Variants in ZKSCAN4 observed in about 807,000 individuals in gnomAD.
ZKSCAN4 encodes zinc finger with KRAB and SCAN domains 4.
In ZKSCAN4, 23 loss-of-function variants were observed where a neutral mutation model predicts 30.8. That is an observed-to-expected ratio of 0.75 (90% CI 0.54 to 1.06). The LOEUF (loss-of-function observed/expected upper bound fraction) is 1.06, where lower values mean the gene tolerates loss of function less well. Among genes scored for constraint, ZKSCAN4 ranks in the 50% least tolerant of loss-of-function variants. The pLI is 0.00. For synonymous variants in ZKSCAN4, 208 were observed against 252.5 expected, an observed-to-expected ratio of 0.82 and a Z score of 1.67; for missense variants, 556 against 665.4, an observed-to-expected ratio of 0.84 and a Z score of 1.81.
upstream of ZKSCAN4, among the ~76,000 whole-genome samples, chr6:28,252,419 T>A (rs1477808503): frequency 6.6e-6 from 1 of 152,050 alleles, no homozygotes; most frequent in Non-Finnish European, 1.5e-5. Flanking sequence ...AAGGAAAGGA[T>A]GACAGACCTT....
rs1760631792 is a variant in ZKSCAN4, at chr6:28,244,867, G to C, written c.*249C>G. 5.6e-6 allele frequency: 3 copies of C among 537,838 alleles called. No homozygotes were observed. Among genetic ancestry groups the C allele is most frequent in the Non-Finnish European group, 1.0e-5 (3 of 299,524 alleles). The allele number at this position is 537,838 out of a possible 1,614,324, so 33.3% of individuals were successfully genotyped here. ...AAGGCCATTTAAATACACTGGGTGA[G>C]AACAAACTATTTTAGGTCCTACAAC... On this transcript the variant is annotated 3_prime_UTR_variant, in exon 5 of 5. Transcript: ENST00000377294.
At chr6:28,250,309 T>C (rs1463254813) in intron 1 of ZKSCAN4, among the ~76,000 whole-genome samples, 1 of 152,166 alleles carries the variant, frequency 6.6e-6, no homozygotes, top group Non-Finnish European at 1.5e-5. Flanking sequence ...CCTCAGGTGA[T>C]CCGCCCACCT....
At position 28,242,701 on chromosome 6, in the gene ZKSCAN4, T is replaced by C. The variant is rs1430435173; in HGVS notation, c.*2415A>G. ...GGCATTTATCATTACACTGCCTTAT[T>C]TGTGTGCAAGTCTTACCAACCTGAC... On this transcript the variant is annotated 3_prime_UTR_variant, in exon 5 of 5. Transcript: ENST00000377294. 2.0e-5 allele frequency among the ~76,000 whole-genome samples: 3 copies of C among 151,874 alleles called. No individual in the cohort carries two copies. The highest frequency in any genetic ancestry group is 4.4e-5 in the Non-Finnish European group (3 of 68,002).
chr6:28,248,123 C>G lies in ZKSCAN4; in HGVS notation c.598G>C (p.Gly200Arg), dbSNP rs1031475633. The G allele has an allele frequency of 3.7e-6, 6 of 1,613,572 alleles. No individual in the cohort carries two copies. Among genetic ancestry groups the G allele is most frequent in the Non-Finnish European group, 5.1e-6 (6 of 1,179,790 alleles). ...RVLQVPGLAQ[G>R]GCCREDAMVA... ...ATTGCATCTTCTCTGCAGCACCCTC[C>G]CTGGGCAAGCCCAGGAACCTGGAGA... Residue 200 changes from glycine to arginine, a missense_variant, in exon 3 of 5, where the codon GGA becomes CGA. Transcript: ENST00000377294.
rs200973350 is a variant in ZKSCAN4 at position 28,248,046 on chromosome 6, G to T, written c.654+21C>A. ...AGTGAAAGGTATGGGGCGCTGGGGA[G>T]GGAGAGGAGCTCCAGCTCACCTGGG... On this transcript the variant is annotated intron_variant, in intron 3 of 4. Coordinates refer to ENST00000377294, the MANE Select transcript of ZKSCAN4 (RefSeq NM_019110.5). 1.9e-4 allele frequency: 302 copies of T among 1,595,740 alleles called. 2 individuals are homozygous for T. In the African/African-American group the frequency reaches 3.3e-3, roughly 17 times the overall value.
chr6:28,257,466 T>C, the ZKSCAN4 span, among the ~76,000 whole-genome samples: 1 of 152,108 alleles, frequency 6.6e-6, no homozygotes, highest in Non-Finnish European at 1.5e-5. Context: ...GATGGGTTGA[T>C]AGGTGCAGCA....
intron 3 of ZKSCAN4, 122 bp downstream of exon 3, chr6:28,247,945 A>T: frequency 1.8e-5 from 11 of 596,530 alleles, no homozygotes; most frequent in Non-Finnish European, 3.1e-5. Context: ...AGATGAGAAA[A>T]CTCAAATTCA....
chr6:28,252,028 A>AC lies in ZKSCAN4; in HGVS notation c.-49_-48insG. ...GTCTCACTCTAGTTGCGACCTGTAT[A>AC]TCTTCAGAGGATTCTGGAAGGGTGG... On this transcript the variant is annotated 5_prime_UTR_variant, in exon 1 of 5. It removes the in-frame stop codon of an upstream open reading frame in the 5' UTR. Coordinates refer to ENST00000377294, the MANE Select transcript of ZKSCAN4 (RefSeq NM_019110.5). 1 of 1,503,664 alleles carries AC rather than the reference A, an allele frequency of 6.7e-7. No individual in the cohort carries two copies. Among genetic ancestry groups the AC allele is most frequent in the Non-Finnish European group, 8.9e-7 (1 of 1,127,356 alleles). 93.1% of individuals were successfully genotyped at this position (1,503,664 alleles called of 1,614,324 possible).
upstream of ZKSCAN4, among the ~76,000 whole-genome samples, chr6:28,256,559 G>A (rs937670182): frequency 1.3e-5 from 2 of 152,258 alleles, no homozygotes; most frequent in Admixed American, 1.3e-4. Flanking sequence ...TCAACATCTG[G>A]TACTTTCCTT....
In ZKSCAN4 at chr6:28,249,960, C is replaced by T. The variant is rs1328190972; in HGVS notation, c.424-126G>A. ...TTAACACAATTAATATAGATAACAA[C>T]CCTGTGAGCTATTATTTTGGATTTT... On this transcript the variant is annotated intron_variant, in intron 1 of 4. Transcript: ENST00000377294. This position sits in a 1 kb window ranked among gnomAD's most constrained non-coding sequence, Gnocchi z 4.1. 12 of 1,065,914 alleles carry T rather than the reference C, an allele frequency of 1.1e-5. No individual in the cohort carries two copies. The highest frequency in any genetic ancestry group is 1.6e-5 in the African/African-American group (1 of 61,404). 66.0% of individuals were successfully genotyped at this position (1,065,914 alleles called of 1,614,324 possible). A position where few individuals can be genotyped will look rare whatever the true frequency, so the allele number is the denominator to read the frequency against.
chr6:28,247,737 C>T (rs1037865767), intron 3 of ZKSCAN4, among the ~76,000 whole-genome samples: 5 of 152,184 alleles, frequency 3.3e-5, no homozygotes, highest in Non-Finnish European at 5.9e-5. Flanking sequence ...ATGACCATCC[C>T]AACAAAACCT....
chr6:28,247,976 G>C (rs1344381138), intron 3 of ZKSCAN4, 91 bp downstream of exon 3: 4 of 794,918 alleles, frequency 5.0e-6, no homozygotes, highest in Middle Eastern at 2.4e-4. Context: ...GGATAGGGGT[G>C]GGGTAGGACT....
At chr6:28,255,288 T>C (rs141995488), upstream of ZKSCAN4, among the ~76,000 whole-genome samples, 396 of 152,352 alleles carry the variant, frequency 2.6e-3, 2 homozygotes, top group Middle Eastern at 0.01. Flanking sequence ...AAATGGCTCA[T>C]AGGGGTTTGA....
upstream of ZKSCAN4, among the ~76,000 whole-genome samples, chr6:28,253,715 T>G (rs1431944761): frequency 6.6e-6 from 1 of 152,170 alleles, no homozygotes; most frequent in Non-Finnish European, 1.5e-5. The surrounding 1 kb of genome is among the most constrained non-coding windows in gnomAD (Gnocchi z 4.2). Flanking sequence ...GTTGTTTTTG[T>G]TTGTTTTGCG....
chr6:28,246,275 G>A (rs560870329), intron 4 of ZKSCAN4, among the ~76,000 whole-genome samples: 43 of 152,168 alleles, frequency 2.8e-4, no homozygotes, highest in African/African-American at 9.9e-4. Context: ...TAGTAAGCAG[G>A]GCCATGCACC....
intron 3 of ZKSCAN4, 70 bp downstream of exon 3, chr6:28,247,997 G>T: frequency 8.7e-7 from 1 of 1,151,026 alleles, no homozygotes; most frequent in African/African-American, 1.5e-5. Flanking sequence ...GGGGAGGGAG[G>T]AACTTAATGC....
upstream of ZKSCAN4, among the ~76,000 whole-genome samples, chr6:28,257,126 A>G: frequency 6.6e-6 from 1 of 152,034 alleles, no homozygotes; most frequent in East Asian, 1.9e-4. Context: ...TAGTTTGAAT[A>G]ATAATATAAT....
chr6:28,251,681 C>T lies in ZKSCAN4; in HGVS notation c.300G>A (p.Gln100=), dbSNP rs1241226013. 6.2e-7 allele frequency: 1 copy of T among 1,614,270 alleles called. No homozygotes were observed. The highest frequency in any genetic ancestry group is 8.5e-7 in the Non-Finnish European group (1 of 1,180,052). ...GATTCCCCGGCAGGATGGTCAGGAA[C>T]TGCTCCAGCACCAGCAGCTCCAGGA... is the stretch of plus-strand genomic sequence containing the variant. ...EQILELLVLE[Q]FLTILPGNLQ... Residue 100 remains glutamine (Q), a synonymous_variant, in exon 1 of 5, where the codon CAG becomes CAA. Transcript: ENST00000377294. This position sits in a 1 kb window ranked among gnomAD's most constrained non-coding sequence, Gnocchi z 4.5.
At position 28,245,052 on chromosome 6, in the gene ZKSCAN4, A is replaced by G; in HGVS notation, c.*64T>C. ...TGGTCCACAATTTCTGTAACCATTA[A>G]GGGCTCCAGGGTGGCTTCAGTTCAG... On this transcript the variant is annotated 3_prime_UTR_variant, in exon 5 of 5. Coordinates refer to ENST00000377294, the MANE Select transcript of ZKSCAN4 (RefSeq NM_019110.5). The G allele has an allele frequency of 6.2e-7, 1 of 1,606,446 alleles. No homozygotes were observed. The highest frequency in any genetic ancestry group is 8.5e-7 in the Non-Finnish European group (1 of 1,173,702).
Sources: allele counts gnomAD v4.1 joint callset (sites outside exome capture counted in the v4.1 genomes callset), GRCh38; gene constraint gnomAD v4.1.1; non-coding constraint Gnocchi (gnomAD v3.1); transcripts MANE v1.5; gene names NCBI Gene and HGNC (gene_info 2026-07-23, HGNC 2026-07-21).